ADAMTS17: variants seen among roughly 807,000 people sequenced by gnomAD.
ADAMTS17 encodes A disintegrin and metalloproteinase with thrombospondin motifs 17.
In ADAMTS17, 113 loss-of-function variants were observed where a neutral mutation model predicts 141.5. The ratio of observed to expected loss-of-function variants is 0.80; its 90% CI spans 0.69 to 0.93. ADAMTS17 has a LOEUF of 0.93. Among genes scored for constraint, ADAMTS17 ranks in the 40% least tolerant of loss-of-function variants. The probability of loss-of-function intolerance (pLI) is 0.00; values close to 1 mark genes in which losing one functional copy is unlikely to be tolerated. For missense variants in ADAMTS17, 1,659 were observed against 1,517.9 expected (o/e 1.09, Z -1.54); for synonymous variants, 768 against 630.6 (o/e 1.22, Z -3.27).
At chr15:100,025,870 T>TGA (rs2061505100) in intron 18 of ADAMTS17, among the ~76,000 whole-genome samples, 1 of 152,222 alleles carries the variant, frequency 6.6e-6, no homozygotes, top group Non-Finnish European at 1.5e-5. Context: ...TGTTTATTTA[T>TGA]TTTTTGGTAT....
intron 15 of ADAMTS17, among the ~76,000 whole-genome samples, chr15:100,070,304 C>T (rs1038684588): frequency 1.7e-4 from 25 of 149,810 alleles, no homozygotes; most frequent in African/African-American, 6.0e-4. Flanking sequence ...GAGACTTTAA[C>T]ACCCCACTGT....
intron 15 of ADAMTS17, among the ~76,000 whole-genome samples, chr15:100,076,616 T>C (rs568806389): frequency 2.9e-4 from 44 of 152,348 alleles, no homozygotes; most frequent in African/African-American, 8.9e-4. Flanking sequence ...CACAGTGTTG[T>C]AGGCTAACAG....
chr15:100,012,039 T>G (rs1220420677), intron 18 of ADAMTS17, among the ~76,000 whole-genome samples: 1 of 152,246 alleles, frequency 6.6e-6, no homozygotes, highest in Non-Finnish European at 1.5e-5. Context: ...GATCACGGCA[T>G]CCATGTCAAC....
At chr15:99,979,683 G>A (rs1033574711) in intron 20 of ADAMTS17, 2 of 152,328 alleles carry the variant, frequency 1.3e-5, no homozygotes, top group East Asian at 3.9e-4. Flanking sequence ...TGGTGACGAT[G>A]AGACCAACAC....
At chr15:99,991,724 T>TA (rs1305293936) in intron 20 of ADAMTS17, among the ~76,000 whole-genome samples, 1 of 152,164 alleles carries the variant, frequency 6.6e-6, no homozygotes, top group Non-Finnish European at 1.5e-5. Flanking sequence ...CATGCACACA[T>TA]ACGTTTACTG....
chr15:100,237,598 T>A (rs768491986), intron 7 of ADAMTS17, among the ~76,000 whole-genome samples: 2 of 151,942 alleles, frequency 1.3e-5, no homozygotes, highest in African/African-American at 2.4e-5. Context: ...AATACACAAG[T>A]AGGGAAAGGA....
intron 14 of ADAMTS17, among the ~76,000 whole-genome samples, chr15:100,102,057 T>G (rs1596434225): frequency 6.6e-6 from 1 of 152,252 alleles, no homozygotes. Context: ...GCATGGAAAA[T>G]AGAATTTCTG....
chr15:100,314,875 A>G (rs533332018), intron 3 of ADAMTS17, among the ~76,000 whole-genome samples: 2 of 152,208 alleles, frequency 1.3e-5, no homozygotes, highest in Non-Finnish European at 2.9e-5. Flanking sequence ...GCAGTGAGAA[A>G]AAGAGCAGCA....
chr15:100,127,129 T>G (rs2037777764), intron 12 of ADAMTS17, among the ~76,000 whole-genome samples: 1 of 152,152 alleles, frequency 6.6e-6, no homozygotes, highest in Non-Finnish European at 1.5e-5. Flanking sequence ...AAAGGAGGCT[T>G]CGAGGCTGCA....
chr15:100,280,985 A>G (rs1416955805), intron 4 of ADAMTS17, among the ~76,000 whole-genome samples: 1 of 152,196 alleles, frequency 6.6e-6, no homozygotes, highest in Non-Finnish European at 1.5e-5. Context: ...AAGTGGCCCC[A>G]TCACTGAGCA....
chr15:100,262,872 T>C (rs1310500384), intron 4 of ADAMTS17, among the ~76,000 whole-genome samples: 2 of 149,018 alleles, frequency 1.3e-5, no homozygotes, highest in Non-Finnish European at 3.0e-5. Context: ...GAACAAAAAA[T>C]ACATACGTGA....
intron 14 of ADAMTS17, among the ~76,000 whole-genome samples, chr15:100,098,386 C>A (rs191514753): frequency 1.4e-4 from 21 of 152,124 alleles, no homozygotes; most frequent in Middle Eastern, 6.8e-3. Context: ...CGGTGGCTCA[C>A]GCCTGTAATC....
intron 8 of ADAMTS17, among the ~76,000 whole-genome samples, chr15:100,179,435 C>G (rs977337118): frequency 6.6e-6 from 1 of 152,142 alleles, no homozygotes; most frequent in Admixed American, 6.5e-5. Flanking sequence ...TTTTTTTAAT[C>G]CATTCCTCTG....
At position 100,033,331 on chromosome 15, in the gene ADAMTS17, G is replaced by A. The variant is rs972538683; in HGVS notation, c.2591+15526C>T. 2.0e-4 allele frequency among the ~76,000 whole-genome samples: 30 copies of A among 152,324 alleles called. No individual in the cohort carries two copies. In the Middle Eastern group the frequency reaches 0.017, roughly 86 times the overall value. ...TGGAAAAAAAACTCTCATGCTTTGA[G>A]AATCACACAGCTGCTGATGTTGAAA... On this transcript the variant is annotated intron_variant, in intron 18 of 21. Transcript: ENST00000268070.
intron 2 of ADAMTS17, among the ~76,000 whole-genome samples, chr15:100,336,588 G>C (rs1369387500): frequency 6.6e-6 from 1 of 152,104 alleles, no homozygotes. Flanking sequence ...TAATCACTTA[G>C]GACTACGTAC....
At chr15:100,248,749 A>T (rs971520993) in intron 7 of ADAMTS17, among the ~76,000 whole-genome samples, 1 of 152,062 alleles carries the variant, frequency 6.6e-6, no homozygotes, top group Non-Finnish European at 1.5e-5. Context: ...AGCGAAGCCT[A>T]AGAAGTCCAT....
Position 100,281,421 on chromosome 15 carries a change from T to C in ADAMTS17, c.617-20A>G. ...TCTTTTCTAGAAAATGATGGAAACA[T>C]TTGTGCGGTCCTTGGCTTACTGACT... On this transcript the variant is annotated intron_variant, in intron 3 of 21. Coordinates refer to ENST00000268070, the MANE Select transcript of ADAMTS17 (RefSeq NM_139057.4). 6.2e-7 allele frequency: 1 copy of C among 1,609,422 alleles called. No homozygotes were observed. The highest frequency in any genetic ancestry group is 8.5e-7 in the Non-Finnish European group (1 of 1,178,720).
At chr15:100,322,963 T>C (rs1404741755) in intron 3 of ADAMTS17, among the ~76,000 whole-genome samples, 1 of 151,774 alleles carries the variant, frequency 6.6e-6, no homozygotes, top group Non-Finnish European at 1.5e-5. Context: ...GGCGGGCACC[T>C]GTAGTCCCAG....
In ADAMTS17 at chr15:100,062,028, A is replaced by G. The variant is rs543312558; in HGVS notation, c.2138-7974T>C. On this transcript the variant is annotated intron_variant, in intron 15 of 21. Coordinates refer to ENST00000268070, the MANE Select transcript of ADAMTS17 (RefSeq NM_139057.4). ...GGAGTGGGCTCTTTGCGAATTTAGT[A>G]AAAAGAGGCTGTCACTTTGAAGCTG... 2.0e-5 allele frequency among the ~76,000 whole-genome samples: 3 copies of G among 152,310 alleles called. No homozygotes were observed. In the South Asian group the frequency reaches 6.2e-4, roughly 32 times the overall value.
Sources: allele counts gnomAD v4.1 joint callset (sites outside exome capture counted in the v4.1 genomes callset), GRCh38; gene constraint gnomAD v4.1.1; transcripts MANE v1.5; gene names NCBI Gene and HGNC (gene_info 2026-07-23, HGNC 2026-07-21).